The following PAM variants were observed in gnomAD, a reference collection of about 807,000 sequenced individuals.
PAM encodes the protein peptidyl-glycine alpha-amidating monooxygenase.
A neutral mutation model predicts 122.1 loss-of-function variants in PAM; 72 were observed. The ratio of observed to expected loss-of-function variants is 0.59; its 90% CI spans 0.49 to 0.72. PAM has a LOEUF of 0.72. PAM is among the 30% of genes least tolerant of loss of function. The probability of loss-of-function intolerance (pLI) is 0.00; values close to 1 mark genes in which losing one functional copy is unlikely to be tolerated. For synonymous variants in PAM, 389 were observed against 404.4 expected, an observed-to-expected ratio of 0.96 and a Z score of 0.46; for missense variants, 1,106 against 1,183.7, an observed-to-expected ratio of 0.93 and a Z score of 0.96.
intron 3 of PAM, among the ~76,000 whole-genome samples, chr5:102,895,278 T>G (rs933669100): frequency 6.6e-6 from 1 of 151,832 alleles, no homozygotes; most frequent in Non-Finnish European, 1.5e-5. Context: ...GCAATCTATA[T>G]TTCTTCTTTG....
At chr5:102,825,896 G>A (rs1244784965) in intron 1 of PAM, among the ~76,000 whole-genome samples, 1 of 152,132 alleles carries the variant, frequency 6.6e-6, no homozygotes, top group Admixed American at 6.5e-5. Context: ...AGAGTATTAT[G>A]AGAAATAAAT....
At chr5:103,024,817 A>G (rs565519162) in intron 23 of PAM, among the ~76,000 whole-genome samples, 2 of 152,174 alleles carry the variant, frequency 1.3e-5, no homozygotes, top group African/African-American at 4.8e-5. Context: ...TTTCCCCTAC[A>G]CAGTACTGTC....
Position 102,961,118 on chromosome 5 carries a change from A to G in PAM, c.1091-40A>G, listed in dbSNP as rs770540702. ...ATAAACTATTTTAAGTATGTAATAC[A>G]TACTGCAAATTTATGCTCAGCTTCT... On this transcript the variant is annotated intron_variant, in intron 13 of 25. Transcript: ENST00000438793. The G allele has an allele frequency of 5.9e-6, 6 of 1,017,544 alleles. No homozygotes were observed. The East Asian group carries it at 9.5e-5, about 16-fold the overall frequency. 63.0% of individuals were successfully genotyped at this position (1,017,544 alleles called of 1,614,324 possible).
chr5:102,924,842 A>T (rs535064048), intron 5 of PAM, 115 bp from the exon 6 acceptor site: 1 of 656,300 alleles, frequency 1.5e-6, no homozygotes, highest in African/African-American at 1.8e-5. Context: ...TGCAATGATG[A>T]TATATTGATG....
At chr5:102,882,995 T>G (rs906801069) in intron 3 of PAM, among the ~76,000 whole-genome samples, 1 of 151,932 alleles carries the variant, frequency 6.6e-6, no homozygotes, top group African/African-American at 2.4e-5. Context: ...CACTTTATGT[T>G]TTTTTTTGCT....
intron 13 of PAM, among the ~76,000 whole-genome samples, 187 bp from the exon 14 acceptor site, chr5:102,960,971 G>A (rs999348180): frequency 9.5e-6 from 1 of 105,690 alleles, no homozygotes; most frequent in African/African-American, 3.7e-5. Flanking sequence ...TAATTGGTAG[G>A]TTGTGCTGGG....
At chr5:103,029,744 G>A (rs775100906), downstream of PAM, 11 of 151,620 alleles carry the variant, frequency 7.3e-5, no homozygotes, top group South Asian at 2.1e-4. Flanking sequence ...CAGTTTTTGC[G>A]TATTTGCAGA....
At chr5:102,768,973 T>C (rs996644790) in intron 1 of PAM, among the ~76,000 whole-genome samples, 3 of 152,142 alleles carry the variant, frequency 2.0e-5, no homozygotes, top group African/African-American at 7.2e-5. Context: ...CCAACAGTGT[T>C]CAAAGGTTCC....
At chr5:102,946,706 TAAAG>T (rs1406995995) in intron 7 of PAM, 127 bp from the exon 8 acceptor site, 7 of 644,054 alleles carry the variant, frequency 1.1e-5, no homozygotes, top group African/African-American at 1.8e-5. Flanking sequence ...TAGTAAATCA[TAAAG>T]AACCATACAG....
chr5:102,757,206 A>G (rs1324157307), intron 1 of PAM, among the ~76,000 whole-genome samples: 1 of 152,172 alleles, frequency 6.6e-6, no homozygotes, highest in African/African-American at 2.4e-5. Context: ...AGGCACCTGT[A>G]ATCCCAGCTA....
intron 12 of PAM, among the ~76,000 whole-genome samples, chr5:102,951,051 A>G (rs1019047551): frequency 2.6e-5 from 4 of 152,044 alleles, no homozygotes; most frequent in African/African-American, 9.7e-5. Context: ...CTTCGGTATC[A>G]TACCTCTAAA....
rs116259578 is a variant in PAM at position 103,005,844 on chromosome 5, A to T, written c.1803+618A>T. Among the ~76,000 whole-genome samples, 322 of 152,284 alleles carry T rather than the reference A, an allele frequency of 2.1e-3. 2 individuals are homozygous for T. The highest frequency in any genetic ancestry group is 7.6e-3 in the African/African-American group (316 of 41,552). On this transcript the variant is annotated intron_variant, in intron 18 of 25. Coordinates refer to ENST00000438793, the MANE Select transcript of PAM (RefSeq NM_001177306.2). ...GATATGAAGCTTCACTCAAATAACT[A>T]CATGGGCCCTCCCAACCATTTTCTT...
intron 1 of PAM, among the ~76,000 whole-genome samples, chr5:102,804,701 A>G (rs1039175534): frequency 6.6e-6 from 1 of 152,226 alleles, no homozygotes; most frequent in Non-Finnish European, 1.5e-5. Flanking sequence ...AGGAAGCTCA[A>G]CCTAGATTAT....
chr5:102,895,034 AAAAC>A (rs1259760440), intron 3 of PAM, among the ~76,000 whole-genome samples: 3 of 151,746 alleles, frequency 2.0e-5, no homozygotes, highest in Non-Finnish European at 4.4e-5. Flanking sequence ...GCTGTCATGA[AAAAC>A]AAAACAACCA....
At chr5:102,790,915 G>A (rs141237672) in intron 1 of PAM, among the ~76,000 whole-genome samples, 2 of 152,106 alleles carry the variant, frequency 1.3e-5, no homozygotes, top group Non-Finnish European at 2.9e-5. Context: ...GATATCATTT[G>A]TTTGTGTGTC....
chr5:102,828,105 G>A lies in PAM; in HGVS notation c.-373-37718G>A, dbSNP rs140214909. On this transcript the variant is annotated intron_variant, in intron 1 of 25. Transcript: ENST00000438793. The stretch of plus-strand genomic sequence containing the variant: ...TATAATCTCAGCACTTTAGGAGGCC[G>A]AGGCCAGCAGATTGCTTCAGCTCTG... Among the ~76,000 whole-genome samples, 1,066 of 152,190 alleles carry A rather than the reference G, an allele frequency of 7.0e-3. 9 individuals carry two copies. Among genetic ancestry groups the A allele is most frequent in the Non-Finnish European group, 0.013 (886 of 68,000 alleles).
intron 1 of PAM, among the ~76,000 whole-genome samples, chr5:102,815,003 C>G (rs1357950600): frequency 6.6e-6 from 1 of 151,962 alleles, no homozygotes; most frequent in Admixed American, 6.6e-5. Flanking sequence ...CTGTTCTAAA[C>G]CTAGTCCTTC....
chr5:102,892,117 G>A (rs1247762916), intron 3 of PAM, among the ~76,000 whole-genome samples: 1 of 151,730 alleles, frequency 6.6e-6, no homozygotes, highest in Non-Finnish European at 1.5e-5. Context: ...GTGCTTCTGG[G>A]AAAGTGTCAT....
chr5:102,959,763 A>G, intron 12 of PAM, 112 bp from the exon 13 acceptor site: 8 of 668,088 alleles, frequency 1.2e-5, no homozygotes, highest in South Asian at 1.9e-5. Context: ...TAAATGCACA[A>G]TATTTCTACC....
Sources: allele counts gnomAD v4.1 joint callset (sites outside exome capture counted in the v4.1 genomes callset), GRCh38; gene constraint gnomAD v4.1.1; transcripts MANE v1.5; gene names NCBI Gene and HGNC (gene_info 2026-07-23, HGNC 2026-07-21).